Variants in SMAP2 observed in about 807,000 individuals in gnomAD.
SMAP2 encodes small ArfGAP2.
In SMAP2, 25 loss-of-function variants were observed where a neutral mutation model predicts 56.4. The observed-to-expected ratio is 0.44, with a 90% CI of 0.32 to 0.62. The LOEUF (loss-of-function observed/expected upper bound fraction) is 0.62. SMAP2 is among the 20% of genes least tolerant of loss of function. The pLI, the probability that SMAP2 is intolerant of heterozygous loss-of-function variation, is 0.04. For missense variants in SMAP2, 388 were observed against 545.6 expected, an observed-to-expected ratio of 0.71 and a Z score of 2.88; for synonymous variants, 157 against 181.7, an observed-to-expected ratio of 0.86 and a Z score of 1.09.
chr1:40,345,335 G>C (rs1644381287), intron 1 of SMAP2, among the ~76,000 whole-genome samples: 1 of 151,958 alleles, frequency 6.6e-6, no homozygotes, highest in East Asian at 1.9e-4. Context: ...TGAGGCTGCA[G>C]TGAGCCATGA....
intron 9 of SMAP2, among the ~76,000 whole-genome samples, chr1:40,420,421 C>T (rs1323661687): frequency 6.6e-6 from 1 of 152,062 alleles, no homozygotes; most frequent in Admixed American, 6.6e-5. Flanking sequence ...TGGATTATGA[C>T]ACACTGAATG....
chr1:40,359,915 A>G (rs1193583987), intron 1 of SMAP2, among the ~76,000 whole-genome samples: 1 of 152,066 alleles, frequency 6.6e-6, no homozygotes, highest in Non-Finnish European at 1.5e-5. Flanking sequence ...TTGATCAGTA[A>G]GCAATCACAG....
intron 1 of SMAP2, among the ~76,000 whole-genome samples, chr1:40,397,292 A>G (rs1431376745): frequency 6.6e-6 from 1 of 152,198 alleles, no homozygotes; most frequent in Non-Finnish European, 1.5e-5. Flanking sequence ...CATGGGGATC[A>G]TTTCTCTACC....
intron 1 of SMAP2, among the ~76,000 whole-genome samples, chr1:40,346,890 G>A (rs905329589): frequency 1.1e-4 from 16 of 151,414 alleles, no homozygotes; most frequent in African/African-American, 3.9e-4. Context: ...AACTCTTGCT[G>A]TGTTGCCCAG....
intron 1 of SMAP2, among the ~76,000 whole-genome samples, chr1:40,398,051 T>A (rs1644789453): frequency 6.6e-6 from 1 of 152,180 alleles, no homozygotes; most frequent in Admixed American, 6.5e-5. Context: ...TACGTTGTTT[T>A]GTTTTTACGA....
rs374818974 is a variant in SMAP2, at chr1:40,415,370, G to T, written c.670G>T (p.Gly224Cys). 2 of 1,608,072 alleles carry T rather than the reference G, an allele frequency of 1.2e-6. No individual in the cohort carries two copies. The highest frequency in any genetic ancestry group is 1.7e-4 in the Middle Eastern group (1 of 6,048). ...CTCTGTTCCATCCCCTTCTTCTTCC[G>T]GTTCCAGAAAGGTGAGTCTTGTGGG... ...LASVPSPSSSGSRKVVGSMPT... is the reference protein window; with the variant it reads ...LASVPSPSSSCSRKVVGSMPT... The change falls in exon 7 of 10, where the codon GGT (glycine) becomes TGT (cysteine). Residue 224 changes from glycine to cysteine, a missense_variant. Coordinates refer to ENST00000372718, the MANE Select transcript of SMAP2 (RefSeq NM_022733.3).
chr1:40,416,779 G>A lies in SMAP2; in HGVS notation c.848-1G>A. On this transcript the variant is annotated splice_acceptor_variant, in intron 8 of 9. Coordinates refer to ENST00000372718, the MANE Select transcript of SMAP2 (RefSeq NM_022733.3). LOFTEE classifies it high-confidence loss of function. ...AACCTGTATGTGTGTTTTCTTGGCA[G>A]CAATGTTCATGGCTCCCGCTCAGAT... 6.3e-7 allele frequency: 1 copy of A among 1,592,832 alleles called. No individual in the cohort carries two copies. Among genetic ancestry groups the A allele is most frequent in the Non-Finnish European group, 8.6e-7 (1 of 1,162,942 alleles).
At position 40,408,201 on chromosome 1, in the gene SMAP2, A is replaced by G. The variant is rs1445971288; in HGVS notation, c.238-452A>G. 6.6e-6 allele frequency among the ~76,000 whole-genome samples: 1 copy of G among 152,246 alleles called. No homozygotes were observed. The highest frequency in any genetic ancestry group is 6.5e-5 in the Admixed American group (1 of 15,282). ...GAGATAGTCGGGAATTTGGAGATTT[A>G]AAAAGCTCTTGGGATTTATCCCTCA... On this transcript the variant is annotated intron_variant, in intron 2 of 9. Transcript: ENST00000372718. This position sits in a 1 kb window ranked among gnomAD's most constrained non-coding sequence, Gnocchi z 4.3.
intron 1 of SMAP2, among the ~76,000 whole-genome samples, chr1:40,383,569 A>G (rs937801114): frequency 2.0e-5 from 3 of 152,220 alleles, no homozygotes. Flanking sequence ...GCGTGCTTCT[A>G]AAGGATCTTG....
At position 40,386,240 on chromosome 1, in the gene SMAP2, G is replaced by T. The variant is rs151181626; in HGVS notation, c.103+12017G>T. On this transcript the variant is annotated intron_variant, in intron 1 of 9. Coordinates refer to ENST00000372718, the MANE Select transcript of SMAP2 (RefSeq NM_022733.3). The surrounding 1 kb of genome is among the most constrained non-coding windows in gnomAD (Gnocchi z 4.1). ...TGATTTGAGAAAGAATGAATTAAGA[G>T]ATTCAGGCTCTTCTGCTATGTTGAA... Among the ~76,000 whole-genome samples the T allele has an allele frequency of 8.9e-4, 136 of 152,328 alleles. No individual in the cohort carries two copies. The highest frequency in any genetic ancestry group is 3.1e-3 in the African/African-American group (130 of 41,568).
chr1:40,346,651 T>C (rs402293), intron 1 of SMAP2, among the ~76,000 whole-genome samples: 11,379 of 152,024 alleles, frequency 0.075, 1,463 homozygotes, highest in African/African-American at 0.26. Flanking sequence ...ATTACAGGCA[T>C]GAGCCACTGC....
At chr1:40,398,624 G>C (rs4660408) in intron 1 of SMAP2, among the ~76,000 whole-genome samples, 14,507 of 152,110 alleles carry the variant, frequency 0.095, 737 homozygotes, top group East Asian at 0.17. Flanking sequence ...TACTTGACCT[G>C]TTTTTTCCCT....
intron 1 of SMAP2, among the ~76,000 whole-genome samples, chr1:40,392,203 AC>A (rs1357153001): frequency 6.6e-6 from 1 of 152,128 alleles, no homozygotes; most frequent in Non-Finnish European, 1.5e-5. Context: ...TGCTCCCAGT[AC>A]CCCCAGATTT....
At chr1:40,392,565 C>G (rs1644727293) in intron 1 of SMAP2, among the ~76,000 whole-genome samples, 1 of 152,106 alleles carries the variant, frequency 6.6e-6, no homozygotes, top group East Asian at 1.9e-4. Context: ...TCAGAGAAGC[C>G]ATGTCTCATC....
intron 1 of SMAP2, among the ~76,000 whole-genome samples, chr1:40,357,049 A>G (rs1288906098): frequency 1.3e-5 from 2 of 151,962 alleles, no homozygotes; most frequent in African/African-American, 4.8e-5. Context: ...TGAGCTCCTT[A>G]TATATTCTGT....
intron 1 of SMAP2, among the ~76,000 whole-genome samples, chr1:40,360,004 C>CTTTTTTTTTTTTTTTT (rs775408458): frequency 5.9e-5 from 6 of 102,482 alleles, no homozygotes; most frequent in Admixed American, 1.3e-4. Context: ...CTTCTTCTTT[C>CTTTTTTTTTTTTTTTT]TTTTTTTTTT....
intron 1 of SMAP2, among the ~76,000 whole-genome samples, chr1:40,351,195 G>A (rs914864067): frequency 3.3e-5 from 5 of 152,160 alleles, no homozygotes; most frequent in Non-Finnish European, 2.9e-5. Flanking sequence ...CTCCTTTCTC[G>A]TCATTTGGGA....
At chr1:40,370,856 T>TA (rs57519270), upstream of SMAP2, among the ~76,000 whole-genome samples, 202 of 132,508 alleles carry the variant, frequency 1.5e-3, no homozygotes, top group African/African-American at 2.3e-3. Flanking sequence ...TAAAGTATAA[T>TA]AAAAAAAAAA....
intron 1 of SMAP2, among the ~76,000 whole-genome samples, chr1:40,348,346 C>A (rs1227454648): frequency 3.3e-5 from 5 of 152,100 alleles, no homozygotes; most frequent in Non-Finnish European, 7.4e-5. Context: ...AGGTTACCTG[C>A]TTTCTACTTC....
Sources: allele counts gnomAD v4.1 joint callset (sites outside exome capture counted in the v4.1 genomes callset), GRCh38; gene constraint gnomAD v4.1.1; non-coding constraint Gnocchi (gnomAD v3.1); transcripts MANE v1.5; gene names NCBI Gene and HGNC (gene_info 2026-07-23, HGNC 2026-07-21).